ZC3H12B: variants seen among roughly 807,000 people sequenced by gnomAD.
ZC3H12B encodes zinc finger CCCH-type containing 12B.
Under a neutral mutation model 43.9 loss-of-function variants are expected in ZC3H12B, and 7 were observed. That is an observed-to-expected ratio of 0.16 (90% CI 0.09 to 0.30). The LOEUF is 0.30. Ranked by LOEUF, ZC3H12B falls within the 10% of genes least tolerant of loss-of-function variation. ZC3H12B has a pLI of 1.00. For missense variants in ZC3H12B, 475 were observed against 670.2 expected (o/e 0.71, Z 3.22); for synonymous variants, 222 against 241.7 (o/e 0.92, Z 0.76).
the ZC3H12B span, among the ~76,000 whole-genome samples, chrX:65,125,587 A>G: frequency 9.0e-6 from 1 of 111,335 alleles, no homozygotes; most frequent in Non-Finnish European, 1.9e-5. Flanking sequence ...AAAGTCCCCC[A>G]TTATTATTGT....
chrX:65,231,433 T>C, the ZC3H12B span, among the ~76,000 whole-genome samples: 7 of 111,262 alleles, frequency 6.3e-5, no homozygotes, highest in African/African-American at 2.3e-4. Context: ...TGGAATTTCC[T>C]AGTCCTAGTA....
the ZC3H12B span, among the ~76,000 whole-genome samples, chrX:65,099,137 G>C: frequency 2.7e-5 from 3 of 111,836 alleles, no homozygotes; most frequent in East Asian, 8.5e-4. Context: ...GAGGCAAAGC[G>C]ACTGTGGCCA....
At chrX:65,296,462 G>A in the ZC3H12B span, among the ~76,000 whole-genome samples, 3 of 110,398 alleles carry the variant, frequency 2.7e-5, no homozygotes, top group African/African-American at 3.3e-5. Flanking sequence ...AGAACTATTC[G>A]TGTAATGAAA....
the ZC3H12B span, among the ~76,000 whole-genome samples, chrX:65,264,146 G>A: frequency 2.7e-5 from 3 of 111,220 alleles, no homozygotes; most frequent in Non-Finnish European, 5.7e-5. Context: ...ATGAATATTG[G>A]CAACTCAGAA....
At chrX:65,341,982 G>A in the ZC3H12B span, among the ~76,000 whole-genome samples, 7 of 110,854 alleles carry the variant, frequency 6.3e-5, no homozygotes, top group Non-Finnish European at 1.1e-4. Context: ...CCTGGATAAA[G>A]AACCAAGACC....
chrX:65,459,150 C>A lies in ZC3H12B; in HGVS notation n.408-29496C>A, dbSNP rs936108432. Among the ~76,000 whole-genome samples the A allele has an allele frequency of 3.6e-5, 4 of 111,952 alleles. No homozygotes were observed. In the South Asian group the frequency reaches 1.5e-3, roughly 42 times the overall value. The stretch of plus-strand genomic sequence containing the variant: ...CCTCGACACATACACTCTCCCAAGA[C>A]TAAACCAGGAAGAAGTTGAATCTGA... On this transcript the variant is annotated intron_variant and non_coding_transcript_variant, in intron 3 of 5. Transcript: ENST00000617377.
the ZC3H12B span, among the ~76,000 whole-genome samples, chrX:65,179,656 G>A: frequency 9.0e-6 from 1 of 110,981 alleles, no homozygotes; most frequent in Non-Finnish European, 1.9e-5. Context: ...ATGATAGGAT[G>A]TCACCACTGA....
the ZC3H12B span, among the ~76,000 whole-genome samples, chrX:65,055,945 A>AT: frequency 1.8e-5 from 2 of 111,061 alleles, no homozygotes; most frequent in African/African-American, 3.3e-5. Context: ...CCCCTTTATC[A>AT]TTTTTTATTG....
chrX:65,286,736 T>A, the ZC3H12B span, among the ~76,000 whole-genome samples: 1 of 110,110 alleles, frequency 9.1e-6, no homozygotes, highest in African/African-American at 3.3e-5. Context: ...TATATATGTA[T>A]AAAATATATT....
chrX:65,434,819 A>G (rs1373026300), intron 3 of ZC3H12B, among the ~76,000 whole-genome samples: 5 of 111,225 alleles, frequency 4.5e-5, no homozygotes, highest in Admixed American at 9.6e-5. Context: ...GGAGGCCATT[A>G]CTGTCTTTTC....
intron 3 of ZC3H12B, among the ~76,000 whole-genome samples, chrX:65,462,002 T>G (rs2067756493): frequency 9.2e-6 from 1 of 109,076 alleles, no homozygotes; most frequent in South Asian, 3.8e-4. Context: ...AATAAATAAA[T>G]AAAATATAAA....
the ZC3H12B span, among the ~76,000 whole-genome samples, chrX:65,324,875 A>C: frequency 9.1e-6 from 1 of 109,913 alleles, no homozygotes; most frequent in Admixed American, 9.8e-5. Context: ...AATATCTGAT[A>C]ATTATAGAAA....
the ZC3H12B span, among the ~76,000 whole-genome samples, chrX:65,221,144 T>C: frequency 9.0e-6 from 1 of 111,641 alleles, no homozygotes; most frequent in Non-Finnish European, 1.9e-5. Context: ...AAAAAACTAT[T>C]TGAACTGAAT....
At chrX:65,150,889 G>C in the ZC3H12B span, among the ~76,000 whole-genome samples, 1 of 110,876 alleles carries the variant, frequency 9.0e-6, no homozygotes, top group Admixed American at 9.7e-5. Context: ...AAGTGGCTAT[G>C]TACTCTTCCC....
intron 3 of ZC3H12B, among the ~76,000 whole-genome samples, chrX:65,444,930 C>A (rs889213260): frequency 8.9e-6 from 1 of 112,010 alleles, no homozygotes; most frequent in African/African-American, 3.2e-5. Flanking sequence ...TGTGTATACT[C>A]AAATAGCTTG....
the ZC3H12B span, among the ~76,000 whole-genome samples, chrX:65,232,181 C>T: frequency 9.0e-6 from 1 of 111,266 alleles, no homozygotes; most frequent in Non-Finnish European, 1.9e-5. Context: ...GCAGTGCTTG[C>T]AGTGAGCTGA....
the ZC3H12B span, among the ~76,000 whole-genome samples, chrX:65,291,855 T>C: frequency 2.7e-5 from 3 of 112,015 alleles, 1 homozygote; most frequent in Non-Finnish European, 5.7e-5. Flanking sequence ...CTAACACTAA[T>C]TAAAAGAACA....
At chrX:65,217,274 C>A in the ZC3H12B span, among the ~76,000 whole-genome samples, 3 of 112,166 alleles carry the variant, frequency 2.7e-5, no homozygotes, top group African/African-American at 6.5e-5. Context: ...GCTGCAGGAA[C>A]CACAGGCGTA....
chrX:65,336,059 C>A, the ZC3H12B span, among the ~76,000 whole-genome samples: 3 of 112,006 alleles, frequency 2.7e-5, no homozygotes, highest in Non-Finnish European at 5.6e-5. Flanking sequence ...TCCTAAGGGA[C>A]CCCTCTTTCT....
Sources: gnomAD v4.1 joint callset for allele counts (sites outside exome capture counted in the v4.1 genomes callset) on GRCh38, gnomAD v4.1.1 for gene constraint, MANE v1.5 for transcripts, NCBI Gene and HGNC (gene_info 2026-07-23, HGNC 2026-07-21) for gene names.